SBF1: variants seen among roughly 807,000 people sequenced by gnomAD.
SBF1 encodes myotubularin-related protein 5.
SBF1 carries 65 observed loss-of-function variants against 215.8 expected under a neutral mutation model. The observed-to-expected ratio is 0.30, with a 90% CI of 0.25 to 0.37. SBF1 has a LOEUF of 0.37. Ranked by LOEUF, SBF1 falls within the 10% of genes least tolerant of loss-of-function variation. SBF1 has a pLI of 1.00. For synonymous variants in SBF1, 1,410 were observed against 1,122.8 expected, an observed-to-expected ratio of 1.26 and a Z score of -5.11; for missense variants, 2,634 against 2,667.8, an observed-to-expected ratio of 0.99 and a Z score of 0.28.
At chr22:50,448,744 G>C (rs139127755) in intron 36 of SBF1, 94 bp from the exon 37 acceptor site, 9 of 1,002,152 alleles carry the variant, frequency 9.0e-6, no homozygotes, top group Non-Finnish European at 1.4e-5. Flanking sequence ...GAGACACAAC[G>C]GAAAGGCCTA....
At chr22:50,466,763 G>A in intron 5 of SBF1, 53 bp from the exon 6 acceptor site, 2 of 1,302,192 alleles carry the variant, frequency 1.5e-6, no homozygotes, top group South Asian at 1.4e-5. Context: ...CCAGCCCAGA[G>A]TCAGCCCAGA....
Position 50,447,049 on chromosome 22 carries a change from GGGCCGGGGCTGTAAACAT to G in SBF1, c.*75_*92del. On this transcript the variant is annotated 3_prime_UTR_variant, in exon 41 of 41. Coordinates refer to ENST00000380817, the MANE Select transcript of SBF1 (RefSeq NM_002972.4). ...GGGCTCGGGGCCTCAATACTGTCGAGGGCCGGGGCTGTAAACATGGCCGGGGCGGCCCTGCCCACCCCT... is the reference window on the plus strand; with the variant it reads ...GGGCTCGGGGCCTCAATACTGTCGAGGGCCGGGGCGGCCCTGCCCACCCCT... 4 of 1,152,222 alleles carry G rather than the reference GGGCCGGGGCTGTAAACAT, an allele frequency of 3.5e-6. No individual in the cohort carries two copies. The highest frequency in any genetic ancestry group is 5.0e-6 in the Non-Finnish European group (4 of 794,668). 71.4% of individuals were successfully genotyped at this position (1,152,222 alleles called of 1,614,324 possible).
Position 50,461,142 on chromosome 22 carries a change from C to T in SBF1, c.2967+17G>A, listed in dbSNP as rs376483485. ...CAGGGCGGGGGATGAGAGCCCCACC[C>T]GCGCACCGCGCCCCACCTGGAATGT... On this transcript the variant is annotated intron_variant, in intron 23 of 40. Transcript: ENST00000380817. The T allele has an allele frequency of 2.4e-5, 38 of 1,581,804 alleles. No homozygotes were observed. The highest frequency in any genetic ancestry group is 2.9e-5 in the Non-Finnish European group (34 of 1,161,554).
In SBF1 at chr22:50,459,351, ACTT is replaced by A. The variant is rs748425751; in HGVS notation, c.3727_3729del (p.Lys1243del). 1 of 1,612,724 alleles carries A rather than the reference ACTT, an allele frequency of 6.2e-7. No homozygotes were observed. Among genetic ancestry groups the A allele is most frequent in the Non-Finnish European group, 8.5e-7 (1 of 1,179,590 alleles). ...ATGGAGCTGACCACAGCCTGCAGGT[ACTT>A]CTCCTGCTCCAGGCTACTCGAGTCC... is the stretch of plus-strand genomic sequence containing the variant. On this transcript the variant is annotated inframe_deletion, in exon 28 of 41. Coordinates refer to ENST00000380817, the MANE Select transcript of SBF1 (RefSeq NM_002972.4).
At chr22:50,462,509 C>G (rs768730808) in intron 18 of SBF1, 36 bp from the exon 19 acceptor site, 1 of 1,611,398 alleles carries the variant, frequency 6.2e-7, no homozygotes, top group Non-Finnish European at 8.5e-7. Context: ...CGGGGCCACG[C>G]TGCCCCAGCC....
intron 2 of SBF1, 39 bp downstream of exon 2, chr22:50,468,335 TCC>T (rs770593189): frequency 9.5e-6 from 15 of 1,585,746 alleles, no homozygotes; most frequent in Non-Finnish European, 6.0e-6. Flanking sequence ...CCACCTGCCC[TCC>T]CCACCTGCCA....
In SBF1 at chr22:50,467,355, G is replaced by A. The variant is rs774101824; in HGVS notation, c.532C>T (p.Leu178=). ...IGNLLTCTVP[L]AGGSQRTISL... ...AAACTCACCTGCGAGCCCCCAGCCAGGGGCACAGTGCACGTCAGCAGGTTC... is the reference window on the plus strand; with the variant it reads ...AAACTCACCTGCGAGCCCCCAGCCAAGGGCACAGTGCACGTCAGCAGGTTC... The change falls in exon 5 of 41, where the codon CTG becomes TTG. Residue 178 remains leucine (L), a synonymous_variant. Transcript: ENST00000380817. 4 of 1,613,992 alleles carry A rather than the reference G, an allele frequency of 2.5e-6. No homozygotes were observed. The highest frequency in any genetic ancestry group is 2.7e-5 in the African/African-American group (2 of 74,930).
At chr22:50,463,066 G>T in intron 16 of SBF1, 128 bp from the exon 17 acceptor site, 1 of 1,172,444 alleles carries the variant, frequency 8.5e-7, no homozygotes, top group Non-Finnish European at 1.2e-6. Context: ...GCTCCCCAAG[G>T]CTGCCTCAGA....
At chr22:50,464,466 C>T (rs776334251) in intron 14 of SBF1, 25 bp from the exon 15 acceptor site, 64 of 1,607,736 alleles carry the variant, frequency 4.0e-5, no homozygotes, top group East Asian at 2.2e-5. Flanking sequence ...TACACACACT[C>T]GGACCCCTGA....
chr22:50,461,324 TA>T (rs2067499571), intron 22 of SBF1, 38 bp from the exon 23 acceptor site: 6 of 1,025,462 alleles, frequency 5.9e-6, no homozygotes, highest in Non-Finnish European at 8.1e-6. Flanking sequence ...GCAAGGAAGG[TA>T]AGGGGGGGGG....
chr22:50,474,805 C>G lies in SBF1; in HGVS notation c.36G>C (p.Ala12=), dbSNP rs1363637135. The G allele has an allele frequency of 6.9e-7, 1 of 1,458,044 alleles. No individual in the cohort carries two copies. Among genetic ancestry groups the G allele is most frequent in the African/African-American group, 1.5e-5 (1 of 67,508 alleles). The allele number at this position is 1,458,044 out of a possible 1,614,324, so 90.3% of individuals were successfully genotyped here. ...ACTCACCGCGCGGGTGCGGCCCGAA[C>G]GCCACCAGCACGAAGTAGTCCGCGA... ...ARLADYFVLV[A]FGPHPRGSGE... is the part of the protein sequence containing the mutation. Residue 12 remains alanine, a synonymous_variant, in exon 1 of 41, where the codon GCG becomes GCC. Transcript: ENST00000380817.
rs2067258685 is a variant in SBF1 at position 50,456,546 on chromosome 22, G to A, written c.4032C>T (p.Phe1344=). The change falls in exon 30 of 41, where the codon TTC becomes TTT. Residue 1344 remains phenylalanine, a synonymous_variant. Transcript: ENST00000380817. ...AGAGGGCTGCTCGCTGCGGACGCAGGAAGCCCGGGTCGGGAGGGCCCCCGT... is the reference window on the plus strand; with the variant it reads ...AGAGGGCTGCTCGCTGCGGACGCAGAAAGCCCGGGTCGGGAGGGCCCCCGT... The part of the protein sequence containing the change: ...QANGGPPDPG[F]LRPQRAALYI... 3.1e-6 allele frequency: 5 copies of A among 1,590,412 alleles called. No homozygotes were observed. The highest frequency in any genetic ancestry group is 4.3e-6 in the Non-Finnish European group (5 of 1,168,940).
At chr22:50,474,177 G>A (rs2068090766) in intron 1 of SBF1, among the ~76,000 whole-genome samples, 2 of 152,336 alleles carry the variant, frequency 1.3e-5, no homozygotes, top group Non-Finnish European at 1.5e-5. Flanking sequence ...TGGACCGTCA[G>A]GCGAGTCGCC....
At position 50,459,597 on chromosome 22, in the gene SBF1, G is replaced by A. The variant is rs58335489; in HGVS notation, c.3561C>T (p.Tyr1187=). The A allele has an allele frequency of 0.091, 146,858 of 1,609,532 alleles. 11,583 individuals carry two copies. Among genetic ancestry groups the A allele is most frequent in the East Asian group, 0.41 (18,240 of 44,836 alleles). The stretch of plus-strand genomic sequence containing the variant: ...AGACCACGGGGAAGCGGTTCTGGCG[G>A]TAGCAGCGGGACACGCGCTGCAGGG... ...DNALQRVSRC[Y]RQNRFPVVCW... Residue 1187 remains tyrosine, a synonymous_variant, in exon 27 of 41, where the codon TAC becomes TAT. Transcript: ENST00000380817.
chr22:50,465,872 C>T (rs773475925), intron 9 of SBF1, 32 bp from the exon 10 acceptor site: 15 of 1,612,176 alleles, frequency 9.3e-6, no homozygotes, highest in African/African-American at 5.3e-5. Context: ...GGCAGCTGCA[C>T]GCTGGCCCCG....
intron 6 of SBF1, 25 bp from the exon 7 acceptor site, chr22:50,466,507 G>A (rs1177384141): frequency 5.9e-6 from 9 of 1,536,046 alleles, no homozygotes; most frequent in Admixed American, 4.0e-5. Context: ...GAAGCTTGGA[G>A]AGGACCCTGG....
chr22:50,457,492 G>A (rs541024243), intron 28 of SBF1: 13 of 216,514 alleles, frequency 6.0e-5, no homozygotes, highest in East Asian at 5.6e-4. Context: ...AGCTCAGAAC[G>A]CTCCACACAT....
intron 23 of SBF1, 129 bp from the exon 24 acceptor site, chr22:50,460,841 T>A: frequency 9.5e-7 from 1 of 1,056,002 alleles, no homozygotes; most frequent in Non-Finnish European, 1.4e-6. Context: ...GGCAAAGGCC[T>A]GTATCTGTGT....
Position 50,459,285 on chromosome 22 carries a change from C to G in SBF1, c.3796G>C (p.Gly1266Arg). 6.2e-7 allele frequency: 1 copy of G among 1,609,964 alleles called. No individual in the cohort carries two copies. Reference sequence around the variant, plus strand: ...CTGCCCATGTGGGCTGAGGAGAAGCCGCTAAGCGTGTTGCGTCCCGACGCG... The same window carrying G: ...CTGCCCATGTGGGCTGAGGAGAAGCGGCTAAGCGTGTTGCGTCCCGACGCG... ...ADASGRNTLS[G>R]FSSAHMGSHV... The change falls in exon 28 of 41, where the codon GGC (glycine) becomes CGC (arginine). Residue 1266 changes from glycine (G) to arginine (R), a missense_variant. Coordinates refer to ENST00000380817, the MANE Select transcript of SBF1 (RefSeq NM_002972.4).
Sources: gnomAD v4.1 joint callset for allele counts (sites outside exome capture counted in the v4.1 genomes callset) on GRCh38, gnomAD v4.1.1 for gene constraint, MANE v1.5 for transcripts, NCBI Gene and HGNC (gene_info 2026-07-23, HGNC 2026-07-21) for gene names.